The following HPSE2 variants were observed in gnomAD, a reference collection of about 807,000 sequenced individuals.
HPSE2 encodes the protein heparanase 2 (inactive).
HPSE2 carries 38 observed loss-of-function variants against 60.5 expected under a neutral mutation model. That is an observed-to-expected ratio of 0.63 (90% CI 0.48 to 0.82). The LOEUF (loss-of-function observed/expected upper bound fraction) is 0.82, where lower values mean the gene tolerates loss of function less well. Ranked by LOEUF, HPSE2 falls within the 40% of genes least tolerant of loss-of-function variation. The probability of loss-of-function intolerance (pLI) is 0.00; values close to 1 mark genes in which losing one functional copy is unlikely to be tolerated. For missense variants in HPSE2, 713 were observed against 740.4 expected (o/e 0.96, Z 0.43); for synonymous variants, 295 against 293.2 (o/e 1.01, Z -0.06).
chr10:98,593,195 T>C (rs534340871), intron 9 of HPSE2, among the ~76,000 whole-genome samples: 13 of 152,298 alleles, frequency 8.5e-5, no homozygotes, highest in African/African-American at 2.6e-4. Context: ...ATGTAACATA[T>C]AATCAAAGTG....
At chr10:98,905,971 T>C (rs1590052250) in intron 3 of HPSE2, among the ~76,000 whole-genome samples, 1 of 152,054 alleles carries the variant, frequency 6.6e-6, no homozygotes, top group South Asian at 2.1e-4. Context: ...CTGCTGGGAG[T>C]GTTGCCAGCT....
intron 3 of HPSE2, among the ~76,000 whole-genome samples, chr10:99,102,061 C>G (rs917692081): frequency 6.6e-6 from 1 of 152,088 alleles, no homozygotes; most frequent in Non-Finnish European, 1.5e-5. Context: ...ATCCTAACAT[C>G]ACAATTAGAA....
chr10:98,960,746 T>TTTA (rs1955653324), intron 3 of HPSE2, among the ~76,000 whole-genome samples: 2 of 129,862 alleles, frequency 1.5e-5, no homozygotes, highest in Non-Finnish European at 3.4e-5. Context: ...TTTTATTTTT[T>TTTA]TTTTTATTAT....
chr10:98,766,316 T>C (rs888346754), intron 3 of HPSE2, among the ~76,000 whole-genome samples: 2 of 152,066 alleles, frequency 1.3e-5, no homozygotes, highest in Admixed American at 1.3e-4. Flanking sequence ...CCACAGAACA[T>C]ACACTAGTTG....
At chr10:98,515,941 G>A (rs910565687) in intron 9 of HPSE2, among the ~76,000 whole-genome samples, 32 of 152,052 alleles carry the variant, frequency 2.1e-4, no homozygotes, top group South Asian at 8.3e-4. Flanking sequence ...ACCTCCTCTA[G>A]GAAGCCTCCC....
intron 3 of HPSE2, among the ~76,000 whole-genome samples, chr10:99,057,618 C>CA (rs1958143820): frequency 6.6e-6 from 1 of 152,186 alleles, no homozygotes; most frequent in South Asian, 2.1e-4. Context: ...ACTCCACACT[C>CA]AGTTTGTCAA....
intron 9 of HPSE2, among the ~76,000 whole-genome samples, chr10:98,519,315 T>C (rs148708899): frequency 1.3e-5 from 2 of 152,210 alleles, no homozygotes; most frequent in Non-Finnish European, 2.9e-5. Context: ...GCCAGGAAAG[T>C]CTCTGTAAGT....
chr10:99,072,945 A>C (rs1197818128), intron 3 of HPSE2, among the ~76,000 whole-genome samples: 1 of 30,286 alleles, frequency 3.3e-5, no homozygotes, highest in Non-Finnish European at 2.0e-4. Context: ...AAAAAAAAAA[A>C]AAAAAAAAAA....
rs555944918 is a variant in HPSE2 at position 98,542,089 on chromosome 10, G to C, written c.1321-51893C>G. 3.3e-3 allele frequency among the ~76,000 whole-genome samples: 494 copies of C among 148,644 alleles called. 1 individual carries two copies. Among genetic ancestry groups the C allele is most frequent in the Middle Eastern group, 0.014 (4 of 290 alleles). On this transcript the variant is annotated intron_variant, in intron 9 of 11. Transcript: ENST00000370552. ...TGGGAGGCACCCCCCAGTAGGGGCA[G>C]ACTGACACCTCAAACGGCCAGGTAC...
At chr10:99,274,779 T>C in the HPSE2 span, among the ~76,000 whole-genome samples, 1 of 152,224 alleles carries the variant, frequency 6.6e-6, no homozygotes, top group East Asian at 1.9e-4. Context: ...TGCAGCTGTC[T>C]GAAAAATAAC....
intron 2 of HPSE2, among the ~76,000 whole-genome samples, chr10:99,225,293 A>G (rs1849435975): frequency 6.6e-6 from 1 of 152,022 alleles, no homozygotes; most frequent in Admixed American, 6.6e-5. Flanking sequence ...ATTCTCTACA[A>G]ACTGCTTTTA....
At chr10:98,830,532 T>C (rs191494886) in intron 3 of HPSE2, among the ~76,000 whole-genome samples, 59 of 152,310 alleles carry the variant, frequency 3.9e-4, no homozygotes, top group African/African-American at 1.3e-3. Context: ...GCTTATACTC[T>C]ACTGGGAAGA....
At chr10:98,719,702 A>T (rs1334266331) in intron 5 of HPSE2, among the ~76,000 whole-genome samples, 1 of 65,522 alleles carries the variant, frequency 1.5e-5, no homozygotes, top group Non-Finnish European at 2.7e-5. Flanking sequence ...ATGTTGCATT[A>T]AAAAAAAAAA....
chr10:99,063,125 A>G (rs976991489), intron 3 of HPSE2, among the ~76,000 whole-genome samples: 1 of 152,252 alleles, frequency 6.6e-6, no homozygotes. Flanking sequence ...TCTTACCTTC[A>G]TAAGTTTGTT....
chr10:99,186,123 C>CACACACACACACACACAT (rs1848003196), intron 2 of HPSE2, among the ~76,000 whole-genome samples: 1 of 145,780 alleles, frequency 6.9e-6, no homozygotes, highest in Non-Finnish European at 1.5e-5. Flanking sequence ...CACACACACA[C>CACACACACACACACACAT]ACACACACAC....
intron 3 of HPSE2, among the ~76,000 whole-genome samples, chr10:99,115,313 C>A (rs1844642367): frequency 6.6e-6 from 1 of 152,080 alleles, no homozygotes; most frequent in Non-Finnish European, 1.5e-5. Flanking sequence ...GCCAACACAC[C>A]CAGCTAATTT....
intron 5 of HPSE2, among the ~76,000 whole-genome samples, chr10:98,700,132 G>A (rs1242600258): frequency 1.3e-5 from 2 of 151,176 alleles, no homozygotes; most frequent in African/African-American, 4.9e-5. Flanking sequence ...CACAGAATTG[G>A]AAAAAAACTA....
At chr10:98,675,210 T>G (rs1170990701) in intron 6 of HPSE2, among the ~76,000 whole-genome samples, 1 of 152,086 alleles carries the variant, frequency 6.6e-6, no homozygotes, top group Non-Finnish European at 1.5e-5. Flanking sequence ...TTCCCTAAGG[T>G]GTCTGCTTAG....
intron 9 of HPSE2, among the ~76,000 whole-genome samples, chr10:98,563,599 C>T (rs1281965583): frequency 2.6e-5 from 4 of 152,184 alleles, no homozygotes; most frequent in Non-Finnish European, 5.9e-5. Context: ...AAAAAAGATG[C>T]ATGTTCCTTA....
Sources: gnomAD v4.1 joint callset for allele counts (sites outside exome capture counted in the v4.1 genomes callset) on GRCh38, gnomAD v4.1.1 for gene constraint, MANE v1.5 for transcripts, NCBI Gene and HGNC (gene_info 2026-07-23, HGNC 2026-07-21) for gene names.